The following LOC122455342 variants were observed in gnomAD, a reference collection of about 807,000 sequenced individuals.
chr17:76,568,910 G>C, the LOC122455342 span: 1 of 938,748 alleles, frequency 1.1e-6, no homozygotes, highest in South Asian at 1.4e-5. Flanking sequence ...CGGTAGGAGC[G>C]GGGCTGGGAG....
the LOC122455342 span, chr17:76,569,415 A>C: frequency 8.5e-6 from 3 of 352,882 alleles, no homozygotes; most frequent in East Asian, 1.2e-4. Flanking sequence ...GGGTTTGGGC[A>C]GCCCCGCGGG....
At chr17:76,569,525 A>AGGGGG in the LOC122455342 span, 1 of 148,550 alleles carries the variant, frequency 6.7e-6, no homozygotes, top group Non-Finnish European at 1.1e-5. Flanking sequence ...CGGGAGGAAG[A>AGGGGG]GCCCCGAGTG....
the LOC122455342 span, chr17:76,569,535 G>T: frequency 2.2e-3 from 860 of 394,746 alleles, no homozygotes; most frequent in African/African-American, 4.6e-3. Flanking sequence ...AGCCCCGAGT[G>T]GGGGAGGGGG....
the LOC122455342 span, chr17:76,568,889 G>A: frequency 1.6e-6 from 2 of 1,243,104 alleles, no homozygotes; most frequent in East Asian, 2.4e-5. Context: ...GAGTAGCCGC[G>A]GTACCCTGAG....
chr17:76,568,940 T>A, the LOC122455342 span: 3 of 688,012 alleles, frequency 4.4e-6, no homozygotes, highest in Non-Finnish European at 7.4e-6. Flanking sequence ...GAGAAGGGGG[T>A]GTAGAAGGTG....
chr17:76,568,962 G>T, the LOC122455342 span: 1 of 625,632 alleles, frequency 1.6e-6, no homozygotes, highest in South Asian at 1.9e-5. Flanking sequence ...CAGGCAGTAC[G>T]TTGGGGACCA....
the LOC122455342 span, chr17:76,568,843 T>C: frequency 1.1e-5 from 18 of 1,594,600 alleles, no homozygotes; most frequent in South Asian, 1.5e-4. Context: ...GCCGTCGTAT[T>C]GCAAGGGGGA....
chr17:76,569,526 G>C, the LOC122455342 span: 1 of 228,938 alleles, frequency 4.4e-6, no homozygotes, highest in East Asian at 7.4e-5. Flanking sequence ...GGGAGGAAGA[G>C]CCCCGAGTGG....
At chr17:76,569,511 G>A in the LOC122455342 span, 3 of 334,804 alleles carry the variant, frequency 9.0e-6, no homozygotes, top group Non-Finnish European at 1.6e-5. Context: ...GGTGGGAGGG[G>A]GGCCGGGAGG....
At chr17:76,568,964 T>G in the LOC122455342 span, 1 of 589,324 alleles carries the variant, frequency 1.7e-6, no homozygotes, top group South Asian at 1.9e-5. Flanking sequence ...GGCAGTACGT[T>G]GGGGACCACG....
chr17:76,569,498 G>A, the LOC122455342 span: 4 of 198,646 alleles, frequency 2.0e-5, no homozygotes, highest in African/African-American at 1.0e-4. Context: ...TTTGGGGTGG[G>A]AGGGTGGGAG....
chr17:76,569,121 A>T, the LOC122455342 span: 1 of 72,458 alleles, frequency 1.4e-5, no homozygotes, highest in Non-Finnish European at 2.3e-5. Context: ...AGAGTGAGTC[A>T]GGAGGGGGTG....
chr17:76,569,531 G>T, the LOC122455342 span: 1 of 378,920 alleles, frequency 2.6e-6, no homozygotes, highest in East Asian at 3.7e-5. Context: ...GAAGAGCCCC[G>T]AGTGGGGGAG....
chr17:76,569,281 T>C, the LOC122455342 span: 2 of 230,520 alleles, frequency 8.7e-6, no homozygotes, highest in Non-Finnish European at 1.5e-5. Flanking sequence ...TGGCCCGATA[T>C]AGGAAGATGA....
chr17:76,569,601 G>C, the LOC122455342 span: 1 of 398,608 alleles, frequency 2.5e-6, no homozygotes, highest in Middle Eastern at 6.3e-4. Flanking sequence ...GGGACTGGGA[G>C]GGAGACTGGG....
the LOC122455342 span, chr17:76,569,211 G>C: frequency 4.4e-6 from 1 of 226,986 alleles, no homozygotes; most frequent in Non-Finnish European, 7.9e-6. Flanking sequence ...GCTGGAAAAA[G>C]GGGGGCTCCT....
chr17:76,568,955 G>C, the LOC122455342 span: 1 of 656,178 alleles, frequency 1.5e-6, no homozygotes, highest in African/African-American at 1.9e-5. Context: ...AAGGTGGCAG[G>C]CAGTACGTTG....
At chr17:76,569,467 C>T in the LOC122455342 span, 6 of 130,272 alleles carry the variant, frequency 4.6e-5, no homozygotes, top group East Asian at 1.5e-4. Context: ...GGACGAAGTC[C>T]GGGAAGAGGG....
chr17:76,569,423 G>T, the LOC122455342 span: 1 of 377,568 alleles, frequency 2.6e-6, no homozygotes, highest in Non-Finnish European at 4.6e-6. Context: ...GCAGCCCCGC[G>T]GGGCACGTGT....
Sources: allele counts gnomAD v4.1 joint callset, GRCh38; gene constraint gnomAD v4.1.1; transcripts MANE v1.5.